The following NIBAN1 variants were observed in gnomAD, a reference collection of about 807,000 sequenced individuals.
NIBAN1 encodes protein Niban 1.
In NIBAN1, 81 loss-of-function variants were observed where a neutral mutation model predicts 75.1. The ratio of observed to expected loss-of-function variants is 1.08; its 90% CI spans 0.90 to 1.30. NIBAN1 has a LOEUF of 1.30. Among genes scored for constraint, NIBAN1 ranks in the 50% most tolerant of loss-of-function variants. NIBAN1 has a pLI of 0.00. For synonymous variants in NIBAN1, 436 were observed against 424.8 expected, an observed-to-expected ratio of 1.03 and a Z score of -0.32; for missense variants, 1,133 against 1,128.1, an observed-to-expected ratio of 1.00 and a Z score of -0.06.
intron 1 of NIBAN1, among the ~76,000 whole-genome samples, chr1:184,921,937 T>G (rs1343926619): frequency 6.6e-6 from 1 of 152,200 alleles, no homozygotes; most frequent in Non-Finnish European, 1.5e-5. Flanking sequence ...CTTATCTGTT[T>G]CTCTATAAAA....
At chr1:184,832,839 A>G (rs1439197134) in intron 5 of NIBAN1, among the ~76,000 whole-genome samples, 2 of 152,210 alleles carry the variant, frequency 1.3e-5, no homozygotes, top group Admixed American at 6.5e-5. Flanking sequence ...AGAGTTCCAT[A>G]AGTCATGCTA....
At chr1:184,853,116 A>G (rs1020743527) in intron 5 of NIBAN1, among the ~76,000 whole-genome samples, 1 of 152,218 alleles carries the variant, frequency 6.6e-6, no homozygotes, top group African/African-American at 2.4e-5. Context: ...TCATTAACTT[A>G]TATCTTTCTT....
At chr1:184,800,687 G>A (rs1041377118) in intron 12 of NIBAN1, among the ~76,000 whole-genome samples, 31 of 151,888 alleles carry the variant, frequency 2.0e-4, no homozygotes, top group Admixed American at 1.8e-3. Flanking sequence ...GATATATGGC[G>A]CAACTATATC....
chr1:184,926,023 C>T (rs182049758), intron 1 of NIBAN1, among the ~76,000 whole-genome samples: 15 of 152,270 alleles, frequency 9.9e-5, no homozygotes, highest in African/African-American at 3.6e-4. Flanking sequence ...ACAGGTCTGG[C>T]ATTGATGTAA....
At chr1:184,936,047 T>C (rs1657951847) in intron 1 of NIBAN1, among the ~76,000 whole-genome samples, 1 of 149,688 alleles carries the variant, frequency 6.7e-6, no homozygotes, top group Non-Finnish European at 1.5e-5. Context: ...CAGGGGAAAC[T>C]AAGCGTCTAT....
chr1:184,880,072 T>C (rs1408541118), intron 5 of NIBAN1, among the ~76,000 whole-genome samples: 1 of 152,238 alleles, frequency 6.6e-6, no homozygotes, highest in Non-Finnish European at 1.5e-5. Context: ...TTAGTGGCAG[T>C]CCTGGCTGTC....
intron 5 of NIBAN1, among the ~76,000 whole-genome samples, chr1:184,882,920 A>G (rs1656414028): frequency 6.6e-6 from 1 of 152,232 alleles, no homozygotes; most frequent in African/African-American, 2.4e-5. Flanking sequence ...CAAGATTTTA[A>G]TAAGGGTATC....
rs573934973 is a variant in NIBAN1 at position 184,971,254 on chromosome 1, G to A, written c.55+3048C>T. On this transcript the variant is annotated intron_variant, in intron 1 of 13. Transcript: ENST00000367511. ...GATTGTACCACTGCACTCAGCCTGCGTAACAGAGTGAGACCCTATCTCAGA... is the reference window on the plus strand; with the variant it reads ...GATTGTACCACTGCACTCAGCCTGCATAACAGAGTGAGACCCTATCTCAGA... Among the ~76,000 whole-genome samples, 198 of 152,108 alleles carry A rather than the reference G, an allele frequency of 1.3e-3. 1 individual carries two copies. The highest frequency in any genetic ancestry group is 2.1e-3 in the Non-Finnish European group (143 of 67,988).
intron 1 of NIBAN1, among the ~76,000 whole-genome samples, chr1:184,972,454 T>C (rs1248929296): frequency 6.6e-6 from 1 of 152,224 alleles, no homozygotes. Context: ...TTTTCCAAGG[T>C]TCTTTTCTCT....
rs781112260 is a variant in NIBAN1, at chr1:184,803,647, C to T, written c.1492G>A (p.Glu498Lys). 2 of 1,614,166 alleles carry T rather than the reference C, an allele frequency of 1.2e-6. No individual in the cohort carries two copies. The highest frequency in any genetic ancestry group is 1.7e-5 in the Admixed American group (1 of 60,026). The change falls in exon 12 of 14, where the codon GAG becomes AAG. Residue 498 changes from glutamate to lysine, a missense_variant. Transcript: ENST00000367511. ...SSTIRKKIFQ[E>K]ALVQITLPTV... Reference sequence around the variant, plus strand: ...GGAAGTGTGATTTGAACTAGTGCCTCTTGAAATATCTTCTTTCGGATGGTG... The same window carrying T: ...GGAAGTGTGATTTGAACTAGTGCCTTTTGAAATATCTTCTTTCGGATGGTG...
chr1:184,938,570 A>T (rs1317882072), intron 1 of NIBAN1, among the ~76,000 whole-genome samples: 1 of 152,170 alleles, frequency 6.6e-6, no homozygotes, highest in Non-Finnish European at 1.5e-5. Flanking sequence ...AAACTGGGAC[A>T]TAAATACAAA....
At chr1:184,859,898 C>G (rs1434793525) in intron 5 of NIBAN1, among the ~76,000 whole-genome samples, 1 of 152,098 alleles carries the variant, frequency 6.6e-6, no homozygotes, top group Non-Finnish European at 1.5e-5. Context: ...AAGCGGACAG[C>G]TGATGAGGGT....
At chr1:184,927,325 G>C (rs2102026907) in intron 1 of NIBAN1, among the ~76,000 whole-genome samples, 1 of 152,284 alleles carries the variant, frequency 6.6e-6, no homozygotes, top group East Asian at 1.9e-4. Context: ...GGTATTCAAA[G>C]GGACTTAAGT....
Position 184,803,618 on chromosome 1 carries a change from A to G in NIBAN1, c.1521T>C (p.Thr507=), listed in dbSNP as rs753986529. Residue 507 remains threonine (T), a synonymous_variant, in exon 12 of 14, where the codon ACT becomes ACC. Coordinates refer to ENST00000367511, the MANE Select transcript of NIBAN1 (RefSeq NM_052966.4). ...QEALVQITLP[T]VQKALASTCK... is the part of the protein sequence containing the mutation. ...ATGTGGACGCCAGTGCCTTCTGCAC[A>G]GTGGGAAGTGTGATTTGAACTAGTG... 1.2e-6 allele frequency: 2 copies of G among 1,614,250 alleles called. No individual in the cohort carries two copies. The highest frequency in any genetic ancestry group is 1.7e-5 in the Admixed American group (1 of 60,030).
chr1:184,859,188 T>TTAAA (rs200140118), intron 5 of NIBAN1, among the ~76,000 whole-genome samples: 3,150 of 151,804 alleles, frequency 0.021, 76 homozygotes, highest in East Asian at 0.071. Flanking sequence ...ATGTGCGGTT[T>TTAAA]TAAATAAATA....
chr1:184,947,939 A>G (rs964335963), intron 1 of NIBAN1, among the ~76,000 whole-genome samples: 15 of 152,206 alleles, frequency 9.9e-5, no homozygotes, highest in Non-Finnish European at 2.2e-4. Context: ...ATTCCCTTCC[A>G]AAAGAGCAAG....
intron 12 of NIBAN1, among the ~76,000 whole-genome samples, chr1:184,801,451 C>T (rs1057480924): frequency 1.3e-5 from 2 of 152,194 alleles, no homozygotes; most frequent in African/African-American, 4.8e-5. Context: ...TGCTCTGTGC[C>T]TCTGTCTCTT....
intron 1 of NIBAN1, among the ~76,000 whole-genome samples, chr1:184,930,452 C>T (rs964871661): frequency 5.3e-5 from 8 of 152,204 alleles, no homozygotes; most frequent in African/African-American, 1.4e-4. Context: ...GGGCACACTC[C>T]GTAGCGTAGA....
intron 9 of NIBAN1, among the ~76,000 whole-genome samples, chr1:184,817,777 G>A (rs1654580011): frequency 6.6e-6 from 1 of 152,186 alleles, no homozygotes; most frequent in Non-Finnish European, 1.5e-5. Flanking sequence ...AAGTCCTTGT[G>A]GATGAACTGT....
Sources: allele counts gnomAD v4.1 joint callset (sites outside exome capture counted in the v4.1 genomes callset), GRCh38; gene constraint gnomAD v4.1.1; transcripts MANE v1.5; gene names NCBI Gene and HGNC (gene_info 2026-07-23, HGNC 2026-07-21).